SH3RF1: variants seen among roughly 807,000 people sequenced by gnomAD.
SH3RF1 encodes the protein E3 ubiquitin-protein ligase SH3RF1.
A neutral mutation model predicts 74.0 loss-of-function variants in SH3RF1; 32 were observed. That is an observed-to-expected ratio of 0.43 (90% CI 0.33 to 0.58). The LOEUF is 0.58. Among genes scored for constraint, SH3RF1 ranks in the 20% least tolerant of loss-of-function variants. The probability of loss-of-function intolerance (pLI) is 0.05; values close to 1 mark genes in which losing one functional copy is unlikely to be tolerated. For missense variants in SH3RF1, 954 were observed against 1,130.9 expected, an observed-to-expected ratio of 0.84 and a Z score of 2.24; for synonymous variants, 396 against 439.6, an observed-to-expected ratio of 0.90 and a Z score of 1.24.
At chr4:169,123,216 G>A (rs530831523) in intron 6 of SH3RF1, among the ~76,000 whole-genome samples, 1 of 151,976 alleles carries the variant, frequency 6.6e-6, no homozygotes, top group East Asian at 1.9e-4. Context: ...TTTCTAAACA[G>A]AGCTTATACC....
chr4:169,257,556 C>T (rs1411040472), intron 2 of SH3RF1, among the ~76,000 whole-genome samples: 1 of 152,202 alleles, frequency 6.6e-6, no homozygotes, highest in Non-Finnish European at 1.5e-5. Context: ...GCTCAGTTAC[C>T]TGCCTCCCCG....
intron 4 of SH3RF1, among the ~76,000 whole-genome samples, chr4:169,141,134 G>A (rs2126956600): frequency 6.6e-6 from 1 of 152,122 alleles, no homozygotes; most frequent in East Asian, 1.9e-4. Context: ...AAAGTAAAAG[G>A]CCTCAGCCAG....
At chr4:169,224,995 T>C (rs530283437) in intron 2 of SH3RF1, among the ~76,000 whole-genome samples, 23 of 152,158 alleles carry the variant, frequency 1.5e-4, no homozygotes, top group Middle Eastern at 6.8e-3. Flanking sequence ...CAACAGCAGT[T>C]GGGAAAGAAG....
intron 2 of SH3RF1, among the ~76,000 whole-genome samples, chr4:169,241,526 C>G (rs1730910110): frequency 6.6e-6 from 1 of 151,866 alleles, no homozygotes; most frequent in Non-Finnish European, 1.5e-5. Flanking sequence ...TTGAGAGCAT[C>G]TGGATGTGCT....
At chr4:169,179,383 T>G (rs569749366) in intron 2 of SH3RF1, among the ~76,000 whole-genome samples, 1 of 152,366 alleles carries the variant, frequency 6.6e-6, no homozygotes, top group South Asian at 2.1e-4. Context: ...GTTAGACTTC[T>G]GACCTACAAA....
At chr4:169,180,057 G>A (rs1488790082) in intron 2 of SH3RF1, among the ~76,000 whole-genome samples, 2 of 151,952 alleles carry the variant, frequency 1.3e-5, no homozygotes, top group East Asian at 1.9e-4. Context: ...GCATGGGGAC[G>A]TAAGCAGAAA....
At chr4:169,170,955 C>T (rs554538939) in intron 2 of SH3RF1, among the ~76,000 whole-genome samples, 1 of 152,254 alleles carries the variant, frequency 6.6e-6, no homozygotes. Context: ...AAAATAAATA[C>T]AGTAATTGAA....
In SH3RF1 at chr4:169,130,039, T is replaced by C; in HGVS notation, c.1179+7A>G. ...AGAGAAATAAAAATGGGAGAAACTA[T>C]ACTCACTCCAAGGGCAGCTTGGTAG... On this transcript the variant is annotated splice_region_variant and intron_variant, in intron 6 of 11. Coordinates refer to ENST00000284637, the MANE Select transcript of SH3RF1 (RefSeq NM_020870.4). 1.2e-6 allele frequency: 2 copies of C among 1,609,826 alleles called. No homozygotes were observed. The highest frequency in any genetic ancestry group is 2.2e-5 in the East Asian group (1 of 44,816).
At chr4:169,202,274 G>GCTTC (rs1032085666) in intron 2 of SH3RF1, among the ~76,000 whole-genome samples, 1 of 152,148 alleles carries the variant, frequency 6.6e-6, no homozygotes, top group African/African-American at 2.4e-5. Flanking sequence ...TTATCCTGAT[G>GCTTC]CTTCAGTTTA....
At chr4:169,252,988 C>CT (rs1731130366) in intron 2 of SH3RF1, among the ~76,000 whole-genome samples, 1 of 152,058 alleles carries the variant, frequency 6.6e-6, no homozygotes, top group South Asian at 2.1e-4. Flanking sequence ...GAAAAAAGCC[C>CT]TAGGGGTGGG....
intron 4 of SH3RF1, among the ~76,000 whole-genome samples, chr4:169,143,764 A>G (rs1458693084): frequency 6.6e-6 from 1 of 152,232 alleles, no homozygotes; most frequent in Non-Finnish European, 1.5e-5. Context: ...TAGGTTAGGA[A>G]GGTGAAACAT....
chr4:169,129,951 T>C, intron 6 of SH3RF1, 95 bp downstream of exon 6: 1 of 900,782 alleles, frequency 1.1e-6, no homozygotes, highest in Non-Finnish European at 1.8e-6. Context: ...CTAACAAGTA[T>C]GAACATACGC....
chr4:169,190,383 G>A (rs181466023), intron 2 of SH3RF1, among the ~76,000 whole-genome samples: 2 of 151,892 alleles, frequency 1.3e-5, no homozygotes, highest in African/African-American at 2.4e-5. Context: ...GAAACAAAAC[G>A]AGAGACATTA....
intron 2 of SH3RF1, among the ~76,000 whole-genome samples, chr4:169,186,342 C>T (rs1734602069): frequency 6.6e-6 from 1 of 151,692 alleles, no homozygotes; most frequent in Admixed American, 6.6e-5. Flanking sequence ...TACCCATGAA[C>T]TTAAAAGTTA....
At chr4:169,188,054 C>T (rs553017298) in intron 2 of SH3RF1, among the ~76,000 whole-genome samples, 1 of 151,992 alleles carries the variant, frequency 6.6e-6, no homozygotes, top group Non-Finnish European at 1.5e-5. Flanking sequence ...TGGCAACCAC[C>T]GAAAACTAGG....
At chr4:169,174,050 C>A (rs1270789628) in intron 2 of SH3RF1, among the ~76,000 whole-genome samples, 2 of 151,890 alleles carry the variant, frequency 1.3e-5, no homozygotes, top group East Asian at 3.9e-4. Context: ...CAGCCCCATC[C>A]TGATAACACA....
At chr4:169,134,756 C>A (rs1175334038) in intron 5 of SH3RF1, among the ~76,000 whole-genome samples, 3 of 152,148 alleles carry the variant, frequency 2.0e-5, no homozygotes, top group African/African-American at 7.2e-5. Context: ...GACATGGTTC[C>A]CCTCTCTACC....
At chr4:169,183,120 A>G (rs1734540622) in intron 2 of SH3RF1, among the ~76,000 whole-genome samples, 1 of 152,160 alleles carries the variant, frequency 6.6e-6, no homozygotes, top group South Asian at 2.1e-4. Context: ...AGCCTCGCCA[A>G]CATGGCGAAA....
chr4:169,196,716 C>T (rs1421904204), intron 2 of SH3RF1, among the ~76,000 whole-genome samples: 1 of 152,124 alleles, frequency 6.6e-6, no homozygotes, highest in East Asian at 1.9e-4. Flanking sequence ...CTTTATCTTG[C>T]TTTTCTAGTC....
Sources: gnomAD v4.1 joint callset for allele counts (sites outside exome capture counted in the v4.1 genomes callset) on GRCh38, gnomAD v4.1.1 for gene constraint, MANE v1.5 for transcripts, NCBI Gene and HGNC (gene_info 2026-07-23, HGNC 2026-07-21) for gene names.